C1orf141: variants seen among roughly 807,000 people sequenced by gnomAD.
C1orf141 encodes uncharacterized protein C1orf141.
A neutral mutation model predicts 23.2 loss-of-function variants in C1orf141; 19 were observed. That is an observed-to-expected ratio of 0.82 (90% confidence interval 0.57 to 1.20). The LOEUF is 1.20. Among genes scored for constraint, C1orf141 ranks in the 50% most tolerant of loss-of-function variants. C1orf141 has a pLI of 0.00. For missense variants in C1orf141, 469 were observed against 455.1 expected (o/e 1.03, Z -0.28); for synonymous variants, 153 against 154.6 (o/e 0.99, Z 0.08).
At chr1:67,118,474 A>G (rs961644947) in intron 4 of C1orf141, among the ~76,000 whole-genome samples, 3 of 152,122 alleles carry the variant, frequency 2.0e-5, no homozygotes, top group African/African-American at 7.2e-5. Context: ...TCTGTTAGAC[A>G]CCACACTTGC....
chr1:67,137,861 T>C (rs1646599361), upstream of C1orf141, among the ~76,000 whole-genome samples: 1 of 152,220 alleles, frequency 6.6e-6, no homozygotes, highest in Admixed American at 6.5e-5. Flanking sequence ...CATCCCCAAA[T>C]GGTGAAAAGC....
intron 4 of C1orf141, among the ~76,000 whole-genome samples, chr1:67,118,366 C>T (rs938891708): frequency 6.6e-6 from 1 of 152,118 alleles, no homozygotes; most frequent in African/African-American, 2.4e-5. Flanking sequence ...CCTCTTTTCT[C>T]AATGTGGGAG....
intron 5 of C1orf141, among the ~76,000 whole-genome samples, chr1:67,108,529 C>A (rs1297700012): frequency 1.3e-5 from 2 of 152,078 alleles, no homozygotes; most frequent in Non-Finnish European, 2.9e-5. Context: ...GTCAGGAGTT[C>A]AAGACCAGCC....
At chr1:67,113,826 A>C in intron 5 of C1orf141, 1 of 562,230 alleles carries the variant, frequency 1.8e-6, no homozygotes, top group Non-Finnish European at 3.0e-6. Flanking sequence ...GGTGATTAGT[A>C]ACAGCCCTCC....
chr1:67,097,337 G>A (rs148690751), intron 5 of C1orf141, among the ~76,000 whole-genome samples: 2 of 152,348 alleles, frequency 1.3e-5, no homozygotes, highest in African/African-American at 4.8e-5. Flanking sequence ...TATAAACATA[G>A]TACTTCACCT....
chr1:67,107,464 G>T (rs926393693), intron 5 of C1orf141, among the ~76,000 whole-genome samples: 1 of 152,068 alleles, frequency 6.6e-6, no homozygotes, highest in Admixed American at 6.6e-5. Flanking sequence ...TTTTTAAAAA[G>T]CAAGACTCAA....
Position 67,093,255 on chromosome 1 carries a change from G to C in C1orf141, c.953C>G (p.Ser318Ter). ...NRSWNTLYNF[S>*]QNFSSLTKQF... The stretch of plus-strand genomic sequence containing the variant: ...TTTTGTTAGGCTAGAAAAATTCTGT[G>C]AGAAATTATAGAGTGTATTCCAAGA... Residue 318 changes from serine to a stop codon, truncating the protein, a stop_gained, in exon 8 of 8, where the codon TCA becomes TGA. Transcript: ENST00000684719. LOFTEE classifies it low-confidence loss of function (END_TRUNC). 1 of 1,613,824 alleles carries C rather than the reference G, an allele frequency of 6.2e-7. No individual in the cohort carries two copies. The highest frequency in any genetic ancestry group is 2.2e-5 in the East Asian group (1 of 44,836).
At chr1:67,118,698 G>A (rs2102474762) in intron 4 of C1orf141, among the ~76,000 whole-genome samples, 1 of 152,272 alleles carries the variant, frequency 6.6e-6, no homozygotes, top group South Asian at 2.1e-4. Flanking sequence ...TAGGTTATGA[G>A]GGTATAGCCT....
chr1:67,094,079 A>T (rs1374921376), intron 7 of C1orf141: 1 of 152,852 alleles, frequency 6.5e-6, no homozygotes, highest in Non-Finnish European at 1.5e-5. Flanking sequence ...ATTAAAAATT[A>T]TCTCTACAAC....
At chr1:67,132,663 C>T (rs141664712) in intron 1 of C1orf141, among the ~76,000 whole-genome samples, 3,056 of 152,260 alleles carry the variant, frequency 0.02, 100 homozygotes, top group African/African-American at 0.07. Flanking sequence ...TTGAAAATTA[C>T]AATTTAATTT....
chr1:67,113,054 A>T (rs1646111509), intron 5 of C1orf141, among the ~76,000 whole-genome samples: 1 of 152,182 alleles, frequency 6.6e-6, no homozygotes, highest in South Asian at 2.1e-4. Flanking sequence ...ATCTCAGTTC[A>T]CTGCAGTCTC....
intron 5 of C1orf141, among the ~76,000 whole-genome samples, chr1:67,110,439 A>C (rs1471373670): frequency 2.0e-5 from 3 of 152,138 alleles, no homozygotes; most frequent in Admixed American, 6.5e-5. Flanking sequence ...ATAATGTTTA[A>C]AGTTGATAAA....
At chr1:67,125,105 C>G (rs1005935387) in intron 4 of C1orf141, among the ~76,000 whole-genome samples, 3 of 152,128 alleles carry the variant, frequency 2.0e-5, no homozygotes, top group African/African-American at 7.2e-5. Flanking sequence ...AGAGAAATTG[C>G]CTTACTTAGT....
intron 4 of C1orf141, 77 bp downstream of exon 4, chr1:67,125,675 G>A (rs1380104260): frequency 1.5e-6 from 2 of 1,356,896 alleles, no homozygotes; most frequent in African/African-American, 2.9e-5. Context: ...CTCTACCCTA[G>A]GCAATGAGTG....
upstream of C1orf141, chr1:67,134,979 C>G (rs901061710): frequency 6.6e-6 from 1 of 152,336 alleles, no homozygotes; most frequent in Non-Finnish European, 1.5e-5. Context: ...TCGCCCCGCC[C>G]CCACCCTTCA....
chr1:67,134,716 T>C (rs1570743633), intron 1 of C1orf141, among the ~76,000 whole-genome samples: 1 of 152,302 alleles, frequency 6.6e-6, no homozygotes, highest in South Asian at 2.1e-4. Flanking sequence ...TCCGCGAACC[T>C]GGAAGAGCCC....
rs566188314 is a variant in C1orf141 at position 67,096,389 on chromosome 1, A to G, written c.347-68T>C. The G allele has an allele frequency of 8.9e-5, 71 of 795,488 alleles. No homozygotes were observed. In the African/African-American group the frequency reaches 9.1e-4, roughly 10 times the overall value. 49.3% of individuals were successfully genotyped at this position (795,488 alleles called of 1,614,324 possible). A position where few individuals can be genotyped will look rare whatever the true frequency, so the allele number is the denominator to read the frequency against. The stretch of plus-strand genomic sequence containing the variant: ...TGACATTTAGGAAAATATCTTGCAC[A>G]AAATATTTTACAATTTAAAATAACA... On this transcript the variant is annotated intron_variant, in intron 5 of 7. Coordinates refer to ENST00000684719, the MANE Select transcript of C1orf141 (RefSeq NM_001276351.2).
intron 2 of C1orf141, among the ~76,000 whole-genome samples, chr1:67,127,497 A>AG (rs1046677390): frequency 3.9e-4 from 59 of 152,306 alleles, no homozygotes; most frequent in African/African-American, 1.4e-3. Context: ...GATAAAGGTG[A>AG]GGGGGAGAAA....
intron 6 of C1orf141, 94 bp from the exon 7 acceptor site, chr1:67,095,515 A>G: frequency 1.5e-6 from 1 of 678,868 alleles, no homozygotes; most frequent in Non-Finnish European, 2.4e-6. Context: ...AGTCACTGCC[A>G]ACTTCTGCAC....
Sources: allele counts gnomAD v4.1 joint callset (sites outside exome capture counted in the v4.1 genomes callset), GRCh38; gene constraint gnomAD v4.1.1; transcripts MANE v1.5; gene names NCBI Gene and HGNC (gene_info 2026-07-23, HGNC 2026-07-21).